The following NELL1 variants were observed in gnomAD, a reference collection of about 807,000 sequenced individuals.
NELL1 encodes neural EGFL like 1, also known as protein kinase C-binding protein NELL1.
Under a neutral mutation model 107.4 loss-of-function variants are expected in NELL1, and 76 were observed. That is an observed-to-expected ratio of 0.71 (90% confidence interval 0.59 to 0.86). The LOEUF (loss-of-function observed/expected upper bound fraction) is 0.86. Among genes scored for constraint, NELL1 ranks in the 40% least tolerant of loss-of-function variants. The pLI, the probability that NELL1 is intolerant of heterozygous loss-of-function variation, is 0.00. For synonymous variants in NELL1, 353 were observed against 341.2 expected, an observed-to-expected ratio of 1.03 and a Z score of -0.38; for missense variants, 1,024 against 1,005.5, an observed-to-expected ratio of 1.02 and a Z score of -0.25.
At chr11:21,339,759 TG>T (rs1395225720) in intron 14 of NELL1, among the ~76,000 whole-genome samples, 1 of 152,168 alleles carries the variant, frequency 6.6e-6, no homozygotes, top group East Asian at 1.9e-4. Flanking sequence ...ACCACCTTTC[TG>T]GGCTCAAGTG....
chr11:21,172,439 T>C (rs1308185552), intron 13 of NELL1, among the ~76,000 whole-genome samples: 1 of 151,852 alleles, frequency 6.6e-6, no homozygotes. Context: ...TGAATTTCCG[T>C]TGATAGCATG....
intron 13 of NELL1, among the ~76,000 whole-genome samples, chr11:21,195,250 G>T (rs1051463871): frequency 6.6e-6 from 1 of 152,022 alleles, no homozygotes; most frequent in Admixed American, 6.6e-5. Flanking sequence ...TTGTACGAAG[G>T]CTGTCATGGT....
rs181503836 is a variant in NELL1 at position 20,855,406 on chromosome 11, C to T, written c.506+7653C>T. Among the ~76,000 whole-genome samples, 29 of 152,088 alleles carry T rather than the reference C, an allele frequency of 1.9e-4. No homozygotes were observed. In the East Asian group the frequency reaches 3.1e-3, roughly 16 times the overall value. On this transcript the variant is annotated intron_variant, in intron 4 of 19. Coordinates refer to ENST00000357134, the MANE Select transcript of NELL1 (RefSeq NM_006157.5). ...CTGATGGTTTGTTGGCTACCTGAGG[C>T]GAGGAGTGGATTAAAAAGAAAGCAT...
At chr11:21,070,458 A>G (rs912052595) in intron 12 of NELL1, among the ~76,000 whole-genome samples, 1 of 152,200 alleles carries the variant, frequency 6.6e-6, no homozygotes, top group Non-Finnish European at 1.5e-5. Context: ...AAAAGGAATT[A>G]GAAAACCAGA....
At chr11:20,953,158 C>T (rs1296579906) in intron 11 of NELL1, among the ~76,000 whole-genome samples, 4 of 152,146 alleles carry the variant, frequency 2.6e-5, no homozygotes, top group Non-Finnish European at 4.4e-5. Context: ...TTGCTCCTTA[C>T]GTGAATTTCA....
intron 15 of NELL1, among the ~76,000 whole-genome samples, chr11:21,423,862 G>A (rs1852756113): frequency 6.6e-6 from 1 of 152,304 alleles, no homozygotes; most frequent in South Asian, 2.1e-4. Context: ...TAAACAGGAC[G>A]TTTTAAAATA....
chr11:21,456,703 C>G (rs535831401), intron 15 of NELL1, among the ~76,000 whole-genome samples: 2 of 152,070 alleles, frequency 1.3e-5, no homozygotes, highest in South Asian at 4.2e-4. Context: ...AGCCAGCCTA[C>G]TATACAGATT....
chr11:21,169,214 T>G (rs1856550389), intron 13 of NELL1, among the ~76,000 whole-genome samples: 1 of 151,858 alleles, frequency 6.6e-6, no homozygotes, highest in Admixed American at 6.6e-5. Flanking sequence ...GAAATTTGTT[T>G]GTAGGTATAT....
chr11:21,358,369 G>A lies in NELL1; in HGVS notation c.1550-12484G>A, dbSNP rs188523355. Among the ~76,000 whole-genome samples the A allele has an allele frequency of 3.5e-4, 53 of 151,596 alleles. No individual in the cohort carries two copies. In the East Asian group the frequency reaches 8.6e-3, roughly 24 times the overall value. On this transcript the variant is annotated intron_variant, in intron 14 of 19. Transcript: ENST00000357134. ...TGTAGAGGTCTTTCACCTCCTTGGG[G>A]CTAGGTGGTATATTTGTAAGGTTTT... is the stretch of plus-strand genomic sequence containing the variant.
intron 15 of NELL1, among the ~76,000 whole-genome samples, chr11:21,508,618 C>T (rs1021793342): frequency 1.3e-5 from 2 of 151,860 alleles, no homozygotes; most frequent in Non-Finnish European, 2.9e-5. Context: ...AGCAAAACAA[C>T]CTAAAATGAT....
At chr11:21,317,870 T>G (rs531149535) in intron 14 of NELL1, among the ~76,000 whole-genome samples, 9 of 152,284 alleles carry the variant, frequency 5.9e-5, no homozygotes, top group African/African-American at 2.2e-4. Context: ...GATTATAAAC[T>G]TCCTCAGAAT....
intron 12 of NELL1, among the ~76,000 whole-genome samples, chr11:21,059,402 C>T (rs922238768): frequency 6.6e-6 from 1 of 151,922 alleles, no homozygotes; most frequent in African/African-American, 2.4e-5. Flanking sequence ...CATTCTGAAT[C>T]CATTCTAAGA....
rs1367058978 is a variant in NELL1, at chr11:21,534,464, G to T, written c.1736G>T (p.Ser579Ile). The change falls in exon 16 of 20, where the codon AGC becomes ATC. Residue 579 changes from serine (S) to isoleucine (I), a missense_variant. Coordinates refer to ENST00000357134, the MANE Select transcript of NELL1 (RefSeq NM_006157.5). ...LPGWYHCECR[S>I]GFHDDGTYSL... is the part of the protein sequence containing the mutation. ...GGGTGGTACCACTGTGAGTGCAGAA[G>T]CGGTTTCCATGACGATGGGACCTAT... is the stretch of plus-strand genomic sequence containing the variant. 5.6e-6 allele frequency: 9 copies of T among 1,613,914 alleles called. No homozygotes were observed. In the South Asian group the frequency reaches 7.7e-5, roughly 14 times the overall value.
At chr11:21,420,274 A>G (rs569296632) in intron 15 of NELL1, among the ~76,000 whole-genome samples, 15 of 152,304 alleles carry the variant, frequency 9.8e-5, no homozygotes, top group Admixed American at 9.8e-4. Context: ...ACATTAAATG[A>G]GAGAAGACTT....
intron 2 of NELL1, among the ~76,000 whole-genome samples, chr11:20,733,270 G>A (rs1855689041): frequency 6.6e-6 from 1 of 152,152 alleles, no homozygotes; most frequent in South Asian, 2.1e-4. Flanking sequence ...CAATTTAGCG[G>A]TCTCCTTAGG....
intron 12 of NELL1, among the ~76,000 whole-genome samples, chr11:21,094,165 C>T (rs1276467611): frequency 6.6e-6 from 1 of 152,198 alleles, no homozygotes; most frequent in Non-Finnish European, 1.5e-5. Flanking sequence ...AGCAAAGGGG[C>T]TACAGGCCCC....
intron 15 of NELL1, among the ~76,000 whole-genome samples, chr11:21,522,226 T>C (rs1416884675): frequency 4.6e-5 from 6 of 129,896 alleles, no homozygotes; most frequent in Non-Finnish European, 1.0e-4. Flanking sequence ...AGAGAGAGAC[T>C]CCGTCTCAAA....
At chr11:21,426,263 G>C (rs1488521200) in intron 15 of NELL1, among the ~76,000 whole-genome samples, 1 of 152,154 alleles carries the variant, frequency 6.6e-6, no homozygotes, top group Non-Finnish European at 1.5e-5. Context: ...ATGCTCAGTA[G>C]CATGTGGTTG....
chr11:21,465,079 C>A (rs528130314), intron 15 of NELL1, among the ~76,000 whole-genome samples: 1 of 151,814 alleles, frequency 6.6e-6, no homozygotes, highest in African/African-American at 2.4e-5. Flanking sequence ...GGTGAGTACA[C>A]GAAGGAATAC....
Sources: gnomAD v4.1 joint callset for allele counts (sites outside exome capture counted in the v4.1 genomes callset) on GRCh38, gnomAD v4.1.1 for gene constraint, MANE v1.5 for transcripts, NCBI Gene and HGNC (gene_info 2026-07-23, HGNC 2026-07-21) for gene names.